The following DDAH1 variants were observed in gnomAD, a reference collection of about 807,000 sequenced individuals.
DDAH1 encodes dimethylarginine dimethylaminohydrolase 1.
A neutral mutation model predicts 28.8 loss-of-function variants in DDAH1; 19 were observed. The observed-to-expected ratio is 0.66, with a 90% CI of 0.46 to 0.97. The LOEUF (loss-of-function observed/expected upper bound fraction) is 0.97, where lower values mean the gene tolerates loss of function less well. Ranked by LOEUF, DDAH1 falls within the 50% of genes least tolerant of loss-of-function variation. The pLI, the probability that DDAH1 is intolerant of heterozygous loss-of-function variation, is 0.00. For missense variants in DDAH1, 326 were observed against 375.9 expected, an observed-to-expected ratio of 0.87 and a Z score of 1.10; for synonymous variants, 153 against 154.4, an observed-to-expected ratio of 0.99 and a Z score of 0.07.
intron 1 of DDAH1, among the ~76,000 whole-genome samples, chr1:85,421,785 GA>G (rs1362059075): frequency 6.6e-6 from 1 of 152,150 alleles, no homozygotes; most frequent in East Asian, 1.9e-4. Flanking sequence ...TTCTTATGAT[GA>G]AAAATATTCC....
chr1:85,450,363 A>G (rs1654616654), intron 1 of DDAH1, among the ~76,000 whole-genome samples: 1 of 152,188 alleles, frequency 6.6e-6, no homozygotes, highest in South Asian at 2.1e-4. Context: ...CACCTTGCTA[A>G]TAAGTGGTAG....
chr1:85,333,599 G>A (rs233061), intron 4 of DDAH1, among the ~76,000 whole-genome samples: 56,093 of 151,570 alleles, frequency 0.37, 10,466 homozygotes, highest in South Asian at 0.42. Context: ...ACAACTCAGG[G>A]TATGAATGAG....
chr1:85,577,893 C>T (rs143039894), intron 1 of DDAH1: 132 of 852,628 alleles, frequency 1.5e-4, no homozygotes, highest in Non-Finnish European at 1.8e-4. Context: ...CAAGGCAGTC[C>T]GTTATTTCCT....
intron 1 of DDAH1, among the ~76,000 whole-genome samples, chr1:85,506,258 C>T (rs1243951040): frequency 6.6e-6 from 1 of 152,050 alleles, no homozygotes; most frequent in East Asian, 1.9e-4. Flanking sequence ...AGAAAGTCTT[C>T]CCACCATGGA....
chr1:85,336,819 G>A (rs1401862421), intron 4 of DDAH1, among the ~76,000 whole-genome samples: 1 of 151,848 alleles, frequency 6.6e-6, no homozygotes, highest in Non-Finnish European at 1.5e-5. Context: ...ATCCAAATAA[G>A]AGGAGGGAAT....
intron 1 of DDAH1, among the ~76,000 whole-genome samples, chr1:85,419,540 T>TAAAAA (rs141947699): frequency 0.52 from 42,304 of 80,736 alleles, 11,814 homozygotes; most frequent in African/African-American, 0.57. Context: ...AACTCCATCT[T>TAAAAA]AAAAAAAAAA....
intron 1 of DDAH1, among the ~76,000 whole-genome samples, chr1:85,444,398 T>G (rs1004894431): frequency 6.6e-6 from 1 of 152,206 alleles, no homozygotes; most frequent in African/African-American, 2.4e-5. Context: ...TTTTTTGATG[T>G]GCTGCTGGAT....
chr1:85,383,230 T>G (rs953786446), intron 1 of DDAH1, among the ~76,000 whole-genome samples: 1 of 152,084 alleles, frequency 6.6e-6, no homozygotes, highest in Admixed American at 6.6e-5. Flanking sequence ...TGGGAGGAGG[T>G]CAAAGTATCT....
At chr1:85,506,186 C>T (rs1657010856) in intron 1 of DDAH1, among the ~76,000 whole-genome samples, 1 of 152,112 alleles carries the variant, frequency 6.6e-6, no homozygotes, top group African/African-American at 2.4e-5. Flanking sequence ...GACAGGGCAA[C>T]ATGAATGGTC....
At chr1:85,358,325 C>G (rs1441776328) in intron 2 of DDAH1, among the ~76,000 whole-genome samples, 6 of 152,166 alleles carry the variant, frequency 3.9e-5, no homozygotes, top group Non-Finnish European at 5.9e-5. Context: ...CAATTTCCCT[C>G]CATTTAGCAT....
chr1:85,444,314 C>G (rs1007932576), intron 1 of DDAH1, among the ~76,000 whole-genome samples: 1 of 152,080 alleles, frequency 6.6e-6, no homozygotes, highest in Non-Finnish European at 1.5e-5. Flanking sequence ...GGATGGATTA[C>G]GTTTATTGAT....
intron 2 of DDAH1, among the ~76,000 whole-genome samples, chr1:85,485,602 C>G (rs1377824361): frequency 1.3e-5 from 2 of 152,164 alleles, no homozygotes; most frequent in Non-Finnish European, 2.9e-5. Flanking sequence ...TCAGTAAGAT[C>G]AGATGTGCTA....
intron 1 of DDAH1, among the ~76,000 whole-genome samples, chr1:85,513,383 A>G (rs977956985): frequency 6.6e-6 from 1 of 152,352 alleles, no homozygotes; most frequent in Admixed American, 6.5e-5. Context: ...TGTTAGACCT[A>G]AAACCATAAA....
At chr1:85,465,956 CA>C (rs1343165539), upstream of DDAH1, among the ~76,000 whole-genome samples, 1 of 152,256 alleles carries the variant, frequency 6.6e-6, no homozygotes, top group Non-Finnish European at 1.5e-5. Flanking sequence ...GCACAGACTA[CA>C]GCAGCACCCT....
chr1:85,520,516 T>C (rs1657646970), intron 1 of DDAH1, among the ~76,000 whole-genome samples: 2 of 152,194 alleles, frequency 1.3e-5, no homozygotes, highest in South Asian at 4.1e-4. Context: ...GTACATGAAA[T>C]GTTTAAGAAG....
intron 1 of DDAH1, among the ~76,000 whole-genome samples, chr1:85,554,282 T>TTTTTG (rs1553148478): frequency 6.7e-6 from 1 of 149,668 alleles, no homozygotes; most frequent in South Asian, 2.1e-4. Flanking sequence ...AAGAGTTTTT[T>TTTTTG]TTTTTTTTTT....
intron 1 of DDAH1, among the ~76,000 whole-genome samples, chr1:85,504,567 T>C (rs947345623): frequency 1.3e-5 from 2 of 152,156 alleles, no homozygotes; most frequent in Non-Finnish European, 2.9e-5. Flanking sequence ...GATTGTCACA[T>C]ATTTGCTGAG....
chr1:85,455,469 A>G (rs1427051636), intron 1 of DDAH1, among the ~76,000 whole-genome samples: 1 of 152,172 alleles, frequency 6.6e-6, no homozygotes, highest in African/African-American at 2.4e-5. Flanking sequence ...TTAGAAAAAT[A>G]ACTTCATGTA....
At chr1:85,371,933 A>G (rs991539825) in intron 1 of DDAH1, among the ~76,000 whole-genome samples, 6 of 152,084 alleles carry the variant, frequency 3.9e-5, no homozygotes, top group Admixed American at 1.3e-4. Context: ...ACTGTTCTAC[A>G]TTGCCCTGGG....
Sources: allele counts gnomAD v4.1 joint callset (sites outside exome capture counted in the v4.1 genomes callset), GRCh38; gene constraint gnomAD v4.1.1; transcripts MANE v1.5; gene names NCBI Gene and HGNC (gene_info 2026-07-23, HGNC 2026-07-21).